The following TMEM126B variants were observed in gnomAD, a reference collection of about 807,000 sequenced individuals.
TMEM126B encodes the protein complex I assembly factor TMEM126B, mitochondrial.
TMEM126B carries 19 observed loss-of-function variants against 16.5 expected under a neutral mutation model. The observed-to-expected ratio is 1.15, with a 90% CI of 0.80 to 1.69. TMEM126B has a LOEUF of 1.69. TMEM126B is among the 40% of genes most tolerant of loss of function. TMEM126B has a pLI of 0.00. For synonymous variants in TMEM126B, 104 were observed against 93.2 expected, an observed-to-expected ratio of 1.12 and a Z score of -0.67; for missense variants, 293 against 278.7, an observed-to-expected ratio of 1.05 and a Z score of -0.37.
chr11:85,634,731 G>A (rs1277913048), intron 3 of TMEM126B: 1 of 153,040 alleles, frequency 6.5e-6, no homozygotes, highest in African/African-American at 2.4e-5. Flanking sequence ...CACAATATCT[G>A]TCATATTATG....
chr11:85,628,689 G>T lies in TMEM126B; in HGVS notation c.81+1G>T. ...GGTGGGAACTGAGGAAGCGCCCAAG[G>T]TAGGCGGAAATCCGAAGTGGTATGG... On this transcript the variant is annotated splice_donor_variant, in intron 1 of 4. Transcript: ENST00000358867. LOFTEE classifies it high-confidence loss of function. 6.5e-7 allele frequency: 1 copy of T among 1,535,646 alleles called. No individual in the cohort carries two copies. The highest frequency in any genetic ancestry group is 8.7e-7 in the Non-Finnish European group (1 of 1,146,900).
intron 1 of TMEM126B, among the ~76,000 whole-genome samples, chr11:85,628,965 T>C (rs186531632): frequency 6.6e-6 from 1 of 152,318 alleles, no homozygotes; most frequent in Admixed American, 6.5e-5. Context: ...TCCCTGCTTC[T>C]ATCCGTCCCA....
rs533119007 is a variant in TMEM126B, at chr11:85,635,279, G to A, written c.398-388G>A. Reference sequence around the variant, plus strand: ...AATAGAAAAACAGTTGAGCATGGTGGTGCAAGCTTATAATCCCAGCTACTT... The same window carrying A: ...AATAGAAAAACAGTTGAGCATGGTGATGCAAGCTTATAATCCCAGCTACTT... On this transcript the variant is annotated intron_variant, in intron 3 of 4. Transcript: ENST00000358867. 3.3e-5 allele frequency among the ~76,000 whole-genome samples: 5 copies of A among 152,258 alleles called. No homozygotes were observed. The South Asian group carries it at 6.2e-4, about 19-fold the overall frequency.
intron 3 of TMEM126B, 117 bp downstream of exon 3, chr11:85,634,396 T>C (rs993482016): frequency 2.7e-6 from 2 of 746,432 alleles, no homozygotes; most frequent in East Asian, 2.8e-5. Context: ...CTATACAGTT[T>C]ACAAAGTCCA....
chr11:85,632,107 A>T (rs2082311449), intron 2 of TMEM126B, among the ~76,000 whole-genome samples: 1 of 152,198 alleles, frequency 6.6e-6, no homozygotes, highest in Non-Finnish European at 1.5e-5. Context: ...TAATTAGGAG[A>T]AAACCATTGA....
At chr11:85,632,295 G>A (rs1308069510) in intron 2 of TMEM126B, among the ~76,000 whole-genome samples, 3 of 152,092 alleles carry the variant, frequency 2.0e-5, no homozygotes, top group Non-Finnish European at 1.5e-5. Flanking sequence ...CCAGGCTGGA[G>A]TGCAGTGGCA....
chr11:85,634,329 A>G, intron 3 of TMEM126B, 50 bp downstream of exon 3: 3 of 1,349,182 alleles, frequency 2.2e-6, no homozygotes, highest in Non-Finnish European at 3.1e-6. Context: ...AAGTAAAGTT[A>G]CTTATTAACA....
chr11:85,635,652 A>C lies in TMEM126B; in HGVS notation c.398-15A>C, dbSNP rs768352509. Reference sequence around the variant, plus strand: ...TGAGTTTTAAAGGAAAACCAAATTTACTTTTGTTTTCCAGATAATATAAGC... The same window carrying C: ...TGAGTTTTAAAGGAAAACCAAATTTCCTTTTGTTTTCCAGATAATATAAGC... On this transcript the variant is annotated splice_polypyrimidine_tract_variant and intron_variant, in intron 3 of 4. Transcript: ENST00000358867. 12 of 1,588,090 alleles carry C rather than the reference A, an allele frequency of 7.6e-6. No homozygotes were observed. The East Asian group carries it at 2.7e-4, about 36-fold the overall frequency.
At chr11:85,634,893 C>T (rs1178447750) in intron 3 of TMEM126B, 1 of 152,336 alleles carries the variant, frequency 6.6e-6, no homozygotes, top group East Asian at 1.9e-4. Flanking sequence ...CACTAGGTGT[C>T]TGGATACATT....
chr11:85,633,732 GGAA>G (rs1210726801), intron 2 of TMEM126B, among the ~76,000 whole-genome samples: 2 of 152,160 alleles, frequency 1.3e-5, no homozygotes, highest in East Asian at 3.8e-4. Flanking sequence ...TTTAGTTGCA[GGAA>G]AGGTATTCTT....
At chr11:85,629,396 A>G (rs1184131203) in intron 1 of TMEM126B, 1 of 500,228 alleles carries the variant, frequency 2.0e-6, no homozygotes, top group Non-Finnish European at 3.4e-6. Flanking sequence ...CGTGGTGACT[A>G]GTTGAGTGGC....
At chr11:85,631,103 ACT>A in intron 1 of TMEM126B, 1 of 1,273,444 alleles carries the variant, frequency 7.9e-7, no homozygotes. Flanking sequence ...TTTCTCTCTC[ACT>A]ATTCTCCAAG....
rs1425288444 is a variant in TMEM126B at position 85,631,713 on chromosome 11, T to C, written c.108T>C (p.His36=). The C allele has an allele frequency of 6.2e-7, 1 of 1,612,956 alleles. No homozygotes were observed. Among genetic ancestry groups the C allele is most frequent in the Non-Finnish European group, 8.5e-7 (1 of 1,179,686 alleles). Residue 36 remains histidine (H), a synonymous_variant, in exon 2 of 5, where the codon CAT becomes CAC. Transcript: ENST00000358867. ...PKVFKMAASM[H]GQPSPSLEDA... ...TTTTCAAGATGGCAGCATCTATGCA[T>C]GGTCAGCCCAGTCCTTCTCTAGAAG...
chr11:85,629,315 G>A, intron 1 of TMEM126B: 1 of 1,090,212 alleles, frequency 9.2e-7, no homozygotes, highest in Non-Finnish European at 1.2e-6. Flanking sequence ...TAATACACAT[G>A]AAAGCACTAC....
chr11:85,633,950 C>T, intron 2 of TMEM126B, 136 bp from the exon 3 acceptor site: 1 of 633,280 alleles, frequency 1.6e-6, no homozygotes, highest in Middle Eastern at 4.3e-4. Context: ...ATCTTAAGCA[C>T]TTAGAAAATA....
intron 1 of TMEM126B, among the ~76,000 whole-genome samples, chr11:85,630,488 T>C (rs1404742927): frequency 6.6e-6 from 1 of 152,222 alleles, no homozygotes; most frequent in African/African-American, 2.4e-5. Context: ...ACTTGGCTGC[T>C]GTAGTAGGTA....
At chr11:85,631,916 C>T (rs2082307714) in intron 2 of TMEM126B, 108 bp downstream of exon 2, 1 of 1,184,106 alleles carries the variant, frequency 8.4e-7, no homozygotes, top group African/African-American at 1.6e-5. Context: ...TATCTAAGAT[C>T]CTATTCTTTG....
At chr11:85,631,379 T>C in intron 1 of TMEM126B, 1 of 1,135,434 alleles carries the variant, frequency 8.8e-7, no homozygotes, top group Non-Finnish European at 1.1e-6. Flanking sequence ...AGTTTGCTCA[T>C]ATGTATAGAA....
chr11:85,635,761 T>A lies in TMEM126B; in HGVS notation c.492T>A (p.Asn164Lys). 1.9e-6 allele frequency: 3 copies of A among 1,594,860 alleles called. No homozygotes were observed. Among genetic ancestry groups the A allele is most frequent in the Non-Finnish European group, 2.6e-6 (3 of 1,174,166 alleles). ...CCAGTTCTTTGGCTTTTACTAAAAATGGACGCCTGGCAACCAAGTAAGTTC... is the reference window on the plus strand; with the variant it reads ...CCAGTTCTTTGGCTTTTACTAAAAAAGGACGCCTGGCAACCAAGTAAGTTC... ...FYPSSLAFTK[N>K]GRLATKYHTV... The change falls in exon 4 of 5, where the codon AAT becomes AAA. Residue 164 changes from asparagine (N) to lysine (K), a missense_variant. Coordinates refer to ENST00000358867, the MANE Select transcript of TMEM126B (RefSeq NM_018480.7).
Sources: gnomAD v4.1 joint callset for allele counts (sites outside exome capture counted in the v4.1 genomes callset) on GRCh38, gnomAD v4.1.1 for gene constraint, MANE v1.5 for transcripts, NCBI Gene and HGNC (gene_info 2026-07-23, HGNC 2026-07-21) for gene names.